The following ATXN1 variants were observed in gnomAD, a reference collection of about 807,000 sequenced individuals.
ATXN1 encodes ataxin-1.
A neutral mutation model predicts 56.4 loss-of-function variants in ATXN1; 8 were observed. The ratio of observed to expected loss-of-function variants is 0.14; its 90% confidence interval spans 0.08 to 0.26. ATXN1 has a LOEUF of 0.26. ATXN1 is among the 10% of genes least tolerant of loss of function. The pLI is 1.00. For missense variants in ATXN1, 987 were observed against 1,106.5 expected (o/e 0.89, Z 1.53); for synonymous variants, 514 against 494.6 (o/e 1.04, Z -0.52).
chr6:16,398,527 T>TACACATATACAC (rs1758499712), intron 6 of ATXN1, among the ~76,000 whole-genome samples: 1 of 152,226 alleles, frequency 6.6e-6, no homozygotes, highest in African/African-American at 2.4e-5. Context: ...ACTATATACA[T>TACACATATACAC]ACACATATAC....
chr6:16,507,590 T>A (rs547656880), intron 5 of ATXN1, among the ~76,000 whole-genome samples: 59 of 152,294 alleles, frequency 3.9e-4, no homozygotes, highest in Admixed American at 2.0e-3. Context: ...ATAAGGTAAT[T>A]TTTCTCCAAA....
At chr6:16,566,369 AT>A (rs1290859996) in intron 4 of ATXN1, among the ~76,000 whole-genome samples, 1 of 151,920 alleles carries the variant, frequency 6.6e-6, no homozygotes, top group Non-Finnish European at 1.5e-5. Context: ...TTAATTAATA[AT>A]TTTTGTTGGC....
At chr6:16,344,472 T>C (rs1338280818) in intron 6 of ATXN1, among the ~76,000 whole-genome samples, 2 of 152,208 alleles carry the variant, frequency 1.3e-5, no homozygotes, top group African/African-American at 4.8e-5. Context: ...GAGGCTAGAA[T>C]GAAAGCAGGC....
chr6:16,645,052 C>A (rs1244020834), intron 3 of ATXN1, among the ~76,000 whole-genome samples: 1 of 152,192 alleles, frequency 6.6e-6, no homozygotes, highest in Non-Finnish European at 1.5e-5. Flanking sequence ...TGAAATTGAA[C>A]TTTCCCCTTT....
chr6:16,632,287 C>T (rs1232795287), intron 3 of ATXN1, among the ~76,000 whole-genome samples: 1 of 152,126 alleles, frequency 6.6e-6, no homozygotes, highest in Non-Finnish European at 1.5e-5. Flanking sequence ...CTAAAGGGGA[C>T]CTTGCAACGT....
chr6:16,389,865 T>C (rs1758317308), intron 6 of ATXN1, among the ~76,000 whole-genome samples: 1 of 151,856 alleles, frequency 6.6e-6, no homozygotes, highest in Non-Finnish European at 1.5e-5. Flanking sequence ...AGGTGTCATG[T>C]GCAATGACAT....
intron 6 of ATXN1, among the ~76,000 whole-genome samples, chr6:16,423,248 C>T (rs577536942): frequency 2.0e-5 from 3 of 152,260 alleles, no homozygotes; most frequent in East Asian, 3.9e-4. Context: ...TGTTCCCATC[C>T]TCACGGCCTT....
chr6:16,565,645 C>A (rs918184150), intron 4 of ATXN1, among the ~76,000 whole-genome samples: 7 of 152,180 alleles, frequency 4.6e-5, no homozygotes, highest in Admixed American at 2.6e-4. Flanking sequence ...CACACACATG[C>A]ACACCAACAG....
At chr6:16,314,469 G>A (rs1377840384) in intron 7 of ATXN1, among the ~76,000 whole-genome samples, 4 of 152,138 alleles carry the variant, frequency 2.6e-5, no homozygotes, top group African/African-American at 9.7e-5. Flanking sequence ...CAATGCCAGC[G>A]GGGACTGGTT....
At chr6:16,540,941 T>C (rs1174125694) in intron 4 of ATXN1, among the ~76,000 whole-genome samples, 2 of 152,194 alleles carry the variant, frequency 1.3e-5, no homozygotes. Flanking sequence ...ACTAAACTTG[T>C]TTTGAAATAA....
chr6:16,478,170 G>C (rs550418596), intron 6 of ATXN1, among the ~76,000 whole-genome samples: 18 of 152,258 alleles, frequency 1.2e-4, no homozygotes, highest in African/African-American at 4.1e-4. Context: ...GCAAGTGACC[G>C]AGTAACACTA....
Position 16,627,457 on chromosome 6 carries a change from G to A in ATXN1, c.-489+30319C>T, listed in dbSNP as rs180831977. 2.9e-4 allele frequency among the ~76,000 whole-genome samples: 44 copies of A among 152,182 alleles called. No homozygotes were observed. In the East Asian group the frequency reaches 6.6e-3, roughly 23 times the overall value. The stretch of plus-strand genomic sequence containing the variant: ...AAAGACAGGGTCCTCGGCCAGGCGC[G>A]GTGGCTCACACTTGTAATCCCAGCA... On this transcript the variant is annotated intron_variant, in intron 3 of 7. Transcript: ENST00000436367.
intron 3 of ATXN1, among the ~76,000 whole-genome samples, chr6:16,595,219 A>C (rs1250939893): frequency 6.6e-6 from 1 of 152,244 alleles, no homozygotes; most frequent in Non-Finnish European, 1.5e-5. Flanking sequence ...TTTATTTTAA[A>C]ATAGCAAAAT....
intron 6 of ATXN1, among the ~76,000 whole-genome samples, chr6:16,397,948 A>T (rs1758489773): frequency 6.6e-6 from 1 of 152,216 alleles, no homozygotes; most frequent in Non-Finnish European, 1.5e-5. Flanking sequence ...CCTGTTTGAC[A>T]GGTGAGATTA....
At chr6:16,618,948 G>A (rs2113798822) in intron 3 of ATXN1, among the ~76,000 whole-genome samples, 1 of 151,846 alleles carries the variant, frequency 6.6e-6, no homozygotes, top group African/African-American at 2.4e-5. Flanking sequence ...TGAGTAAAAG[G>A]AAAAACTTTC....
chr6:16,633,096 G>A (rs1022993616), intron 3 of ATXN1, among the ~76,000 whole-genome samples: 1 of 152,076 alleles, frequency 6.6e-6, no homozygotes, highest in Non-Finnish European at 1.5e-5. Flanking sequence ...GAAAATAGAT[G>A]AGAAACATAA....
At position 16,521,342 on chromosome 6, in the gene ATXN1, G is replaced by A. The variant is rs576437093; in HGVS notation, c.-299+1285C>T. The stretch of plus-strand genomic sequence containing the variant: ...ACTTTGGGAGGCCGAGGCGGATCAC[G>A]AGGTCAGGAGATGGAGACCATCCTT... On this transcript the variant is annotated intron_variant, in intron 5 of 7. Coordinates refer to ENST00000436367, the MANE Select transcript of ATXN1 (RefSeq NM_001128164.2). Among the ~76,000 whole-genome samples, 15 of 152,286 alleles carry A rather than the reference G, an allele frequency of 9.8e-5. No homozygotes were observed. In the East Asian group the frequency reaches 1.7e-3, roughly 18 times the overall value.
chr6:16,306,975 G>T lies in ATXN1; in HGVS notation c.1918-116C>A. 1.7e-6 allele frequency: 2 copies of T among 1,205,590 alleles called. No homozygotes were observed. The highest frequency in any genetic ancestry group is 3.2e-5 in the South Asian group (2 of 63,216). The allele number at this position is 1,205,590 out of a possible 1,614,324, so 74.7% of individuals were successfully genotyped here. A position where few individuals can be genotyped will look rare whatever the true frequency, so the allele number is the denominator to read the frequency against. On this transcript the variant is annotated intron_variant, in intron 7 of 7. Transcript: ENST00000436367. The surrounding 1 kb of genome is among the most constrained non-coding windows in gnomAD (Gnocchi z 5.2). ...TATGAACTCACACAGACACACACAG[G>T]CTGAATGGGGGAAAATGACTCAGTT...
chr6:16,588,831 G>A (rs1317965158), intron 3 of ATXN1, among the ~76,000 whole-genome samples: 1 of 152,166 alleles, frequency 6.6e-6, no homozygotes, highest in Non-Finnish European at 1.5e-5. Flanking sequence ...AGAAAGGAAG[G>A]TCATCCCTTA....
Sources: gnomAD v4.1 joint callset for allele counts (sites outside exome capture counted in the v4.1 genomes callset) on GRCh38, gnomAD v4.1.1 for gene constraint, Gnocchi (gnomAD v3.1) non-coding constraint, MANE v1.5 for transcripts, NCBI Gene and HGNC (gene_info 2026-07-23, HGNC 2026-07-21) for gene names.